Variants in WNK2 observed in about 807,000 individuals in gnomAD.
WNK2 encodes WNK lysine deficient protein kinase 2.
WNK2 carries 67 observed loss-of-function variants against 192.1 expected under a neutral mutation model. That is an observed-to-expected ratio of 0.35 (90% CI 0.29 to 0.43). The LOEUF is 0.43. Ranked by LOEUF, WNK2 falls within the 20% of genes least tolerant of loss-of-function variation. WNK2 has a pLI of 1.00. For missense variants in WNK2, 2,698 were observed against 3,089.7 expected (o/e 0.87, Z 3.01); for synonymous variants, 1,439 against 1,393.9 (o/e 1.03, Z -0.72).
At chr9:93,236,761 C>T (rs1456898423) in intron 5 of WNK2, among the ~76,000 whole-genome samples, 1 of 152,222 alleles carries the variant, frequency 6.6e-6, no homozygotes, top group Non-Finnish European at 1.5e-5. Flanking sequence ...GCAGCAGTGA[C>T]CACAAATAGT....
At chr9:93,197,432 C>G (rs1263137940) in intron 2 of WNK2, among the ~76,000 whole-genome samples, 1 of 152,248 alleles carries the variant, frequency 6.6e-6, no homozygotes. Flanking sequence ...AACAGTCCCT[C>G]TGCCTTTTAT....
intron 2 of WNK2, 105 bp downstream of exon 2, chr9:93,185,715 C>A: frequency 1.5e-6 from 2 of 1,336,658 alleles, no homozygotes; most frequent in Non-Finnish European, 2.1e-6. Flanking sequence ...GCCCTGGGGG[C>A]GGCGGGGCTC....
chr9:93,267,544 C>T (rs1845367634), intron 16 of WNK2, among the ~76,000 whole-genome samples: 1 of 152,214 alleles, frequency 6.6e-6, no homozygotes, highest in Non-Finnish European at 1.5e-5. Context: ...GGAGTTGCTT[C>T]TCAAGATGAG....
intron 5 of WNK2, among the ~76,000 whole-genome samples, chr9:93,238,014 G>A (rs1471434232): frequency 6.6e-6 from 1 of 152,208 alleles, no homozygotes; most frequent in Non-Finnish European, 1.5e-5. Flanking sequence ...GCAGTGAGCT[G>A]GGGCCATGGG....
At chr9:93,295,244 CA>C (rs1252507119) in intron 23 of WNK2, among the ~76,000 whole-genome samples, 1 of 152,106 alleles carries the variant, frequency 6.6e-6, no homozygotes, top group African/African-American at 2.4e-5. Flanking sequence ...AGCAGAGTTC[CA>C]ACCTGGATAA....
chr9:93,190,949 C>T (rs1488772549), intron 2 of WNK2, among the ~76,000 whole-genome samples: 1 of 152,202 alleles, frequency 6.6e-6, no homozygotes, highest in Non-Finnish European at 1.5e-5. Flanking sequence ...GACCATCTTA[C>T]AGCAAGGGAG....
chr9:93,221,916 C>T (rs150977920), intron 2 of WNK2, among the ~76,000 whole-genome samples: 102 of 152,240 alleles, frequency 6.7e-4, no homozygotes, highest in African/African-American at 2.3e-3. Context: ...TTGGGTTCCA[C>T]GGGAAACATT....
chr9:93,262,250 C>A, intron 13 of WNK2, 143 bp downstream of exon 13: 1 of 994,338 alleles, frequency 1.0e-6, no homozygotes, highest in Non-Finnish European at 1.4e-6. Context: ...TCACCTCTCC[C>A]TAGATTTCAC....
chr9:93,261,595 C>A (rs1844260448), intron 12 of WNK2, among the ~76,000 whole-genome samples: 1 of 152,254 alleles, frequency 6.6e-6, no homozygotes, highest in East Asian at 1.9e-4. Context: ...CACAAGTAGA[C>A]TCTTCCACAG....
rs74402932 is a variant in WNK2, at chr9:93,269,799, T to C, written c.4033+1053T>C. ...CTCTTTCCTTCATCTATGCACTGAG[T>C]GACCTCAGGAAACCTTTTTGAGCTG... On this transcript the variant is annotated intron_variant, in intron 19 of 29. Coordinates refer to ENST00000427277, the MANE Select transcript of WNK2 (RefSeq NM_006648.4). 2.1e-3 allele frequency among the ~76,000 whole-genome samples: 324 copies of C among 152,292 alleles called. 1 individual carries two copies. Among genetic ancestry groups the C allele is most frequent in the African/African-American group, 7.5e-3 (312 of 41,568 alleles).
chr9:93,201,391 G>A (rs1010727509), intron 2 of WNK2, among the ~76,000 whole-genome samples: 6 of 152,236 alleles, frequency 3.9e-5, no homozygotes, highest in Non-Finnish European at 8.8e-5. Context: ...GCCCCTGCGT[G>A]CCTTCCTGGT....
chr9:93,187,205 G>A (rs554966643), intron 2 of WNK2, among the ~76,000 whole-genome samples: 5 of 152,124 alleles, frequency 3.3e-5, no homozygotes, highest in African/African-American at 1.2e-4. Flanking sequence ...CATCGCAGGC[G>A]CATGTGACTC....
intron 14 of WNK2, 125 bp downstream of exon 14, chr9:93,262,844 G>A (rs2133000712): frequency 2.7e-6 from 3 of 1,099,226 alleles, no homozygotes; most frequent in East Asian, 2.5e-5. Flanking sequence ...TGCCATTAGG[G>A]GTTTTTCAAA....
chr9:93,287,517 G>A lies in WNK2; in HGVS notation c.4034-1271G>A, dbSNP rs12353437. On this transcript the variant is annotated intron_variant, in intron 19 of 29. Coordinates refer to ENST00000427277, the MANE Select transcript of WNK2 (RefSeq NM_006648.4). ...GAGAGGCCAGGCACCACAGAATAGA[G>A]TACCATTCCATTGATAGAACGTGCA... Among the ~76,000 whole-genome samples, 485 of 152,250 alleles carry A rather than the reference G, an allele frequency of 3.2e-3. 1 individual carries two copies. The highest frequency in any genetic ancestry group is 0.011 in the African/African-American group (449 of 41,542).
At chr9:93,318,717 A>C in intron 29 of WNK2, 2 of 1,447,466 alleles carry the variant, frequency 1.4e-6, no homozygotes, top group South Asian at 2.8e-5. Context: ...CACCCCTGGC[A>C]TGCAGACCGC....
intron 28 of WNK2, among the ~76,000 whole-genome samples, chr9:93,313,378 A>G (rs1854015822): frequency 6.7e-6 from 1 of 148,232 alleles, no homozygotes; most frequent in East Asian, 2.0e-4. Flanking sequence ...TTTTTTTTTA[A>G]CCGTATCTCC....
intron 2 of WNK2, among the ~76,000 whole-genome samples, chr9:93,221,100 C>A (rs57765582): frequency 1.3e-5 from 2 of 152,128 alleles, no homozygotes; most frequent in African/African-American, 2.4e-5. Context: ...CGGAGCCCTG[C>A]GGTGGGGAGG....
intron 2 of WNK2, among the ~76,000 whole-genome samples, chr9:93,198,156 G>T (rs1258344071): frequency 3.3e-5 from 5 of 152,224 alleles, no homozygotes; most frequent in Admixed American, 3.3e-4. Context: ...AGGGGTTGTG[G>T]TGCAGCTTGA....
rs769976831 is a variant in WNK2, at chr9:93,292,362, C to T, written c.4991C>T (p.Ala1664Val). 13 of 1,613,980 alleles carry T rather than the reference C, an allele frequency of 8.1e-6. No individual in the cohort carries two copies. Among genetic ancestry groups the T allele is most frequent in the East Asian group, 4.5e-5 (2 of 44,874 alleles). The part of the protein sequence containing the change: ...LGYDRDGRQV[A>V]SDSHVVPSVP... Reference sequence around the variant, plus strand: ...TATGACAGAGATGGAAGGCAGGTGGCCTCAGACTCCCATGTGGTCCCCAGC... The same window carrying T: ...TATGACAGAGATGGAAGGCAGGTGGTCTCAGACTCCCATGTGGTCCCCAGC... The change falls in exon 22 of 30, where the codon GCC (alanine) becomes GTC (valine). Residue 1664 changes from alanine (A) to valine (V), a missense_variant. Coordinates refer to ENST00000427277, the MANE Select transcript of WNK2 (RefSeq NM_006648.4).
Sources: allele counts gnomAD v4.1 joint callset (sites outside exome capture counted in the v4.1 genomes callset), GRCh38; gene constraint gnomAD v4.1.1; transcripts MANE v1.5; gene names NCBI Gene and HGNC (gene_info 2026-07-23, HGNC 2026-07-21).